ADH4: variants seen among roughly 807,000 people sequenced by gnomAD.
The protein encoded by ADH4 is alcohol dehydrogenase 4 (class II), pi polypeptide.
A neutral mutation model predicts 35.2 loss-of-function variants in ADH4; 31 were observed. The observed-to-expected ratio is 0.88, with a 90% CI of 0.66 to 1.19. The LOEUF is 1.19. Among genes scored for constraint, ADH4 ranks in the 50% most tolerant of loss-of-function variants. ADH4 has a pLI of 0.00. For synonymous variants in ADH4, 171 were observed against 160.2 expected, an observed-to-expected ratio of 1.07 and a Z score of -0.51; for missense variants, 476 against 458.3, an observed-to-expected ratio of 1.04 and a Z score of -0.35.
chr4:99,141,791 A>C, intron 2 of ADH4, 109 bp from the exon 3 acceptor site: 13 of 1,009,618 alleles, frequency 1.3e-5, no homozygotes, highest in Non-Finnish European at 1.8e-5. Flanking sequence ...TAAGACTTCT[A>C]GAACTCAATA....
chr4:99,138,722 G>A (rs1210142631), intron 4 of ADH4, among the ~76,000 whole-genome samples: 1 of 152,134 alleles, frequency 6.6e-6, no homozygotes, highest in African/African-American at 2.4e-5. Context: ...AACATTATGT[G>A]TGTGAGATTA....
chr4:99,140,762 G>A (rs968311815), intron 3 of ADH4, among the ~76,000 whole-genome samples: 1 of 151,928 alleles, frequency 6.6e-6, no homozygotes, highest in Non-Finnish European at 1.5e-5. Context: ...AGCTACTCGG[G>A]AGGCTGAAGC....
rs750079516 is a variant in ADH4, at chr4:99,141,680, G to A, written c.123C>T (p.Ile41=). The stretch of plus-strand genomic sequence containing the variant: ...CAGTATGGCACAGAGAGGTAGCAAT[G>A]ATCTACAAGGCAATCACAGACTTTA... ...PPKAHEVRIQ[I]IATSLCHTDA... Residue 41 remains isoleucine, a splice_region_variant and synonymous_variant, in exon 3 of 9, where the codon ATC becomes ATT. Transcript: ENST00000265512. 3 of 1,613,074 alleles carry A rather than the reference G, an allele frequency of 1.9e-6. No homozygotes were observed. Among genetic ancestry groups the A allele is most frequent in the African/African-American group, 2.7e-5 (2 of 74,850 alleles).
chr4:99,125,069 C>T (rs1729042993), intron 8 of ADH4, among the ~76,000 whole-genome samples: 1 of 152,232 alleles, frequency 6.6e-6, no homozygotes, highest in Admixed American at 6.5e-5. Flanking sequence ...AGGAGAATCT[C>T]TGTGTCCTTT....
chr4:99,126,875 T>C, intron 7 of ADH4, 143 bp from the exon 8 acceptor site: 1 of 688,260 alleles, frequency 1.5e-6, no homozygotes, highest in Non-Finnish European at 2.1e-6. Context: ...TAATTTTCTG[T>C]ACTTATATCT....
In ADH4 at chr4:99,142,711, C is replaced by G; in HGVS notation, c.88G>C (p.Ala30Pro). The G allele has an allele frequency of 6.2e-7, 1 of 1,600,784 alleles. No homozygotes were observed. Among genetic ancestry groups the G allele is most frequent in the South Asian group, 1.1e-5 (1 of 88,828 alleles). Residue 30 changes from alanine (A) to proline (P), a missense_variant, in exon 2 of 9, where the codon GCT becomes CCT. Transcript: ENST00000265512. ...CGAACTTCATGAGCCTTGGGGGGAG[C>G]TACTTCAACCTCTTCAATGCAAAGG... ...KPLCIEEVEV[A>P]PPKAHEVRIQ...
chr4:99,124,050 T>C lies in ADH4; in HGVS notation c.*392A>G. ...TCTCATCATTTAGCTCCCAGAAAAT[T>C]TTCAACATAGACAAAAGTGGAGAGA... On this transcript the variant is annotated 3_prime_UTR_variant, in exon 9 of 9. Transcript: ENST00000265512. 5.6e-6 allele frequency: 1 copy of C among 179,568 alleles called. No individual in the cohort carries two copies. The highest frequency in any genetic ancestry group is 1.1e-5 in the Non-Finnish European group (1 of 87,646). The allele number at this position is 179,568 out of a possible 1,614,324, so 11.1% of individuals were successfully genotyped here.
At chr4:99,131,895 G>C (rs1729289919) in intron 5 of ADH4, 131 bp from the exon 6 acceptor site, 2 of 933,568 alleles carry the variant, frequency 2.1e-6, no homozygotes, top group Non-Finnish European at 3.1e-6. Flanking sequence ...CTATGATATA[G>C]CCAATGGAGG....
intron 6 of ADH4, among the ~76,000 whole-genome samples, chr4:99,128,119 G>A (rs549892375): frequency 3.9e-5 from 6 of 152,084 alleles, no homozygotes; most frequent in African/African-American, 1.4e-4. Context: ...TCTTACTTAG[G>A]TTTTCACCTA....
intron 8 of ADH4, 44 bp downstream of exon 8, chr4:99,126,550 T>C (rs771923540): frequency 2.0e-6 from 3 of 1,531,826 alleles, no homozygotes; most frequent in Non-Finnish European, 2.7e-6. Context: ...ATAGAATCAT[T>C]GTAAACGTTT....
At chr4:99,126,858 C>T (rs1729110661) in intron 7 of ADH4, 126 bp from the exon 8 acceptor site, 3 of 821,354 alleles carry the variant, frequency 3.7e-6, no homozygotes, top group Non-Finnish European at 5.1e-6. Flanking sequence ...TAAACTCCTT[C>T]CATCTTTAAT....
chr4:99,131,367 T>G (rs1469184730), intron 6 of ADH4, 137 bp downstream of exon 6: 2 of 981,290 alleles, frequency 2.0e-6, no homozygotes, highest in East Asian at 2.6e-5. Flanking sequence ...TGGGAAATGA[T>G]TTGTGGCTTA....
chr4:99,133,323 A>G (rs1729344025), intron 5 of ADH4, among the ~76,000 whole-genome samples: 1 of 152,220 alleles, frequency 6.6e-6, no homozygotes. Flanking sequence ...TACCACTGTT[A>G]GAGGACATTT....
At chr4:99,131,364 T>G in intron 6 of ADH4, 140 bp downstream of exon 6, 1 of 956,438 alleles carries the variant, frequency 1.0e-6, no homozygotes, top group East Asian at 2.6e-5. Flanking sequence ...GAATGGGAAA[T>G]GATTTGTGGC....
intron 1 of ADH4, among the ~76,000 whole-genome samples, chr4:99,143,898 A>C (rs986305215): frequency 6.6e-6 from 1 of 152,166 alleles, no homozygotes; most frequent in African/African-American, 2.4e-5. Context: ...ACATTTTCCC[A>C]TATTCTCCTG....
intron 3 of ADH4, among the ~76,000 whole-genome samples, chr4:99,139,601 C>T (rs1194487099): frequency 1.3e-5 from 2 of 152,122 alleles, no homozygotes; most frequent in African/African-American, 4.8e-5. Flanking sequence ...TTAATAAATT[C>T]CAATTTAATA....
At chr4:99,138,270 A>C (rs1466082570) in intron 4 of ADH4, among the ~76,000 whole-genome samples, 1 of 152,342 alleles carries the variant, frequency 6.6e-6, no homozygotes, top group East Asian at 1.9e-4. Context: ...ATCTAGAACA[A>C]GTCTATGAAG....
intron 4 of ADH4, among the ~76,000 whole-genome samples, chr4:99,138,470 G>C (rs537342718): frequency 6.6e-6 from 1 of 152,250 alleles, no homozygotes; most frequent in South Asian, 2.1e-4. Context: ...ATACTGCCGG[G>C]GTTAAAAACC....
At chr4:99,125,057 G>A (rs1216333832) in intron 8 of ADH4, among the ~76,000 whole-genome samples, 1 of 152,148 alleles carries the variant, frequency 6.6e-6, no homozygotes, top group Non-Finnish European at 1.5e-5. Flanking sequence ...CCTACCTGTA[G>A]AAGGAGAATC....
Sources: gnomAD v4.1 joint callset for allele counts (sites outside exome capture counted in the v4.1 genomes callset) on GRCh38, gnomAD v4.1.1 for gene constraint, MANE v1.5 for transcripts, NCBI Gene and HGNC (gene_info 2026-07-23, HGNC 2026-07-21) for gene names.